PRR22: variants seen among roughly 807,000 people sequenced by gnomAD.
PRR22 encodes the protein proline rich 22.
A neutral mutation model predicts 7.2 loss-of-function variants in PRR22; 5 were observed. That is an observed-to-expected ratio of 0.69 (90% confidence interval 0.36 to 1.45). PRR22 has a LOEUF of 1.45. PRR22 is among the 40% of genes most tolerant of loss of function. The probability of loss-of-function intolerance (pLI) is 0.03; values close to 1 mark genes in which losing one functional copy is unlikely to be tolerated. For missense variants in PRR22, 619 were observed against 568.8 expected (o/e 1.09, Z -0.90); for synonymous variants, 319 against 269.3 (o/e 1.18, Z -1.81).
Position 5,784,378 on chromosome 19 carries a change from T to C in PRR22, c.192A>G (p.Ala64=). 6.2e-7 allele frequency: 1 copy of C among 1,608,264 alleles called. No individual in the cohort carries two copies. Among genetic ancestry groups the C allele is most frequent in the Non-Finnish European group, 8.5e-7 (1 of 1,177,524 alleles). ...CAAGGGCTCAGGGGAGGCCGGTACCTGCTGGTGGGGCTGGAAACACCTCTT... is the reference window on the plus strand; with the variant it reads ...CAAGGGCTCAGGGGAGGCCGGTACCCGCTGGTGGGGCTGGAAACACCTCTT... ...PEKEVFPAPP[A]GFQMAPCGCF... The change falls in exon 2 of 3, where the codon GCA becomes GCG. Residue 64 remains alanine (A), a splice_region_variant and synonymous_variant. Coordinates refer to ENST00000419421, the MANE Select transcript of PRR22 (RefSeq NM_001134316.2).
Position 5,783,970 on chromosome 19 carries a change from C to T in PRR22, c.277G>A (p.Ala93Thr). The change falls in exon 3 of 3, where the codon GCC becomes ACC. Residue 93 changes from alanine to threonine, a missense_variant. Transcript: ENST00000419421. ...CTGCTTGCTGCCAGCTTATACAGGGCTGACTGGCCCAGGTCGGGGGTGGTC... is the reference window on the plus strand; with the variant it reads ...CTGCTTGCTGCCAGCTTATACAGGGTTGACTGGCCCAGGTCGGGGGTGGTC... Reference protein sequence around the residue: ...EWTTPDLGQSALYKLAASSGG... With the variant: ...EWTTPDLGQSTLYKLAASSGG... 1 of 1,606,474 alleles carries T rather than the reference C, an allele frequency of 6.2e-7. No homozygotes were observed. Among genetic ancestry groups the T allele is most frequent in the Admixed American group, 1.7e-5 (1 of 58,500 alleles).
chr19:5,783,439 T>C lies in PRR22; in HGVS notation c.808A>G (p.Lys270Glu). The change falls in exon 3 of 3, where the codon AAG becomes GAG. Residue 270 changes from lysine to glutamate, a missense_variant. Transcript: ENST00000419421. Reference protein sequence around the residue: ...EGALLGAGKAKAPKTARALAL... With the variant: ...EGALLGAGKAEAPKTARALAL... The stretch of plus-strand genomic sequence containing the variant: ...AAAGCTCTGGCCGTCTTGGGGGCCT[T>C]GGCCTTGCCTGCTCCCAGCAGGGCC... The C allele has an allele frequency of 1.9e-6, 3 of 1,611,414 alleles. No individual in the cohort carries two copies. The highest frequency in any genetic ancestry group is 2.5e-6 in the Non-Finnish European group (3 of 1,179,336).
Position 5,783,901 on chromosome 19 carries a change from G to A in PRR22, c.346C>T (p.Leu116=), listed in dbSNP as rs770856468. 3.2e-6 allele frequency: 5 copies of A among 1,574,046 alleles called. No homozygotes were observed. Among genetic ancestry groups the A allele is most frequent in the Non-Finnish European group, 4.3e-6 (5 of 1,161,136 alleles). Residue 116 remains leucine, a synonymous_variant, in exon 3 of 3, where the codon CTG becomes TTG. Coordinates refer to ENST00000419421, the MANE Select transcript of PRR22 (RefSeq NM_001134316.2). Reference sequence around the variant, plus strand: ...GCCTTGAGGTAGGGCTGAGGCTCCAGGAGGTAGCTGCCTGGGGCGGAGGGG... The same window carrying A: ...GCCTTGAGGTAGGGCTGAGGCTCCAAGAGGTAGCTGCCTGGGGCGGAGGGG... ...GVPSAPGSYL[L]EPQPYLKAPG... is the part of the protein sequence containing the mutation.
chr19:5,784,241 C>G (rs1344795394), intron 2 of PRR22, 136 bp downstream of exon 2: 1 of 1,108,870 alleles, frequency 9.0e-7, no homozygotes, highest in Non-Finnish European at 1.4e-6. Flanking sequence ...TGGGGCTCAT[C>G]TGGGGGACCT....
rs1203655782 is a variant in PRR22, at chr19:5,783,103, A to T, written c.1144T>A (p.Ser382Thr). 1 of 1,610,496 alleles carries T rather than the reference A, an allele frequency of 6.2e-7. No homozygotes were observed. The change falls in exon 3 of 3, where the codon TCT becomes ACT. Residue 382 changes from serine (S) to threonine (T), a missense_variant. By Grantham distance (58) the Ser-to-Thr change is moderately conservative. Coordinates refer to ENST00000419421, the MANE Select transcript of PRR22 (RefSeq NM_001134316.2). ...PATNTPAPIL[S>T]GKRKASTAKK... ...GCCGTCGAGGCCTTTCTCTTGCCAG[A>T]CAGAATGGGGGCCGGGGTGTTGGTG... is the stretch of plus-strand genomic sequence containing the variant.
chr19:5,784,290 C>T, intron 2 of PRR22, 87 bp downstream of exon 2: 3 of 1,426,744 alleles, frequency 2.1e-6, no homozygotes, highest in Non-Finnish European at 2.9e-6. Flanking sequence ...CCTTCAGGCT[C>T]CCACTTAGGG....
Position 5,783,536 on chromosome 19 carries a change from A to G in PRR22, c.711T>C (p.Ser237=), listed in dbSNP as rs2056812251. ...ACAGGGGCACCCCAGGTCGGGCCCC[A>G]CTGCCCTGCAGCTCCTTGACGGGGA... ...LAFPVKELQG[S]GARPGVPLYP... Residue 237 remains serine (S), a synonymous_variant, in exon 3 of 3, where the codon AGT becomes AGC. Transcript: ENST00000419421. 6.2e-7 allele frequency: 1 copy of G among 1,603,156 alleles called. No homozygotes were observed. The highest frequency in any genetic ancestry group is 8.5e-7 in the Non-Finnish European group (1 of 1,176,010).
Position 5,784,545 on chromosome 19 carries a change from G to T in PRR22, c.116C>A (p.Pro39His). 1 of 1,549,550 alleles carries T rather than the reference G, an allele frequency of 6.5e-7. No homozygotes were observed. Among genetic ancestry groups the T allele is most frequent in the Non-Finnish European group, 8.7e-7 (1 of 1,146,906 alleles). Residue 39 changes from proline (P) to histidine (H), a missense_variant, in exon 1 of 3, where the codon CCT becomes CAT. Coordinates refer to ENST00000419421, the MANE Select transcript of PRR22 (RefSeq NM_001134316.2). ...GNQPAPTCAE[P>H]PPAMGSLNLY... ...CCCGATCGTACCCATAGCGGGAGGA[G>T]GCTCGGCACAGGTGGGAGCAGGCTG...
Position 5,783,016 on chromosome 19 carries a change from G to A in PRR22, c.1231C>T (p.Pro411Ser), listed in dbSNP as rs761597151. 1.9e-6 allele frequency: 3 copies of A among 1,549,634 alleles called. No homozygotes were observed. Among genetic ancestry groups the A allele is most frequent in the East Asian group, 2.3e-5 (1 of 44,380 alleles). Residue 411 changes from proline (P) to serine (S), a missense_variant, in exon 3 of 3, where the codon CCG becomes TCG. Transcript: ENST00000419421. ...QPAGPASATP[P>S]GPREDLGATP... ...GCTCCCAGGTCCTCCCTGGGCCCCG[G>A]GGGAGTGGCGCTGGCTGGGCCTGCC...
chr19:5,784,073 G>T lies in PRR22; in HGVS notation c.194-20C>A. The T allele has an allele frequency of 6.2e-7, 1 of 1,605,942 alleles. No individual in the cohort carries two copies. The highest frequency in any genetic ancestry group is 8.5e-7 in the Non-Finnish European group (1 of 1,173,926). ...GGAAACCTGTGGGCGGCAGGCGGGTGCCCTGAGAGCAGCTGCTGCCTGAGG... is the reference window on the plus strand; with the variant it reads ...GGAAACCTGTGGGCGGCAGGCGGGTTCCCTGAGAGCAGCTGCTGCCTGAGG... On this transcript the variant is annotated intron_variant, in intron 2 of 2. Coordinates refer to ENST00000419421, the MANE Select transcript of PRR22 (RefSeq NM_001134316.2).
Position 5,783,738 on chromosome 19 carries a change from T to C in PRR22, c.509A>G (p.Glu170Gly). Residue 170 changes from glutamate (E) to glycine (G), a missense_variant, in exon 3 of 3, where the codon GAG becomes GGG. Coordinates refer to ENST00000419421, the MANE Select transcript of PRR22 (RefSeq NM_001134316.2). ...TTCCTCTAGGGGCGGTAGGGGCAGC[T>C]CCACGAAGGCGGCGGGCCCTGCGTC... is the stretch of plus-strand genomic sequence containing the variant. ...VGDAGPAAFV[E>G]LPLPPLEEGP... 1 of 1,499,856 alleles carries C rather than the reference T, an allele frequency of 6.7e-7. No individual in the cohort carries two copies. The allele number at this position is 1,499,856 out of a possible 1,614,324, so 92.9% of individuals were successfully genotyped here.
Position 5,783,720 on chromosome 19 carries a change from A to C in PRR22, c.527T>G (p.Leu176Arg). The C allele has an allele frequency of 6.6e-7, 1 of 1,506,328 alleles. No individual in the cohort carries two copies. Among genetic ancestry groups the C allele is most frequent in the Non-Finnish European group, 8.9e-7 (1 of 1,126,806 alleles). 93.3% of individuals were successfully genotyped at this position (1,506,328 alleles called of 1,614,324 possible). The stretch of plus-strand genomic sequence containing the variant: ...TGGCAGCGGGGCCGGGCCTTCCTCT[A>C]GGGGCGGTAGGGGCAGCTCCACGAA... ...AAFVELPLPP[L>R]EEGPAPLPPP... Residue 176 changes from leucine (L) to arginine (R), a missense_variant, in exon 3 of 3, where the codon CTA (leucine) becomes CGA (arginine). Transcript: ENST00000419421.
In PRR22 at chr19:5,783,468, T is replaced by C. The variant is rs2056811608; in HGVS notation, c.779A>G (p.Glu260Gly). Residue 260 changes from glutamate (E) to glycine (G), a missense_variant, in exon 3 of 3, where the codon GAG becomes GGG. Coordinates refer to ENST00000419421, the MANE Select transcript of PRR22 (RefSeq NM_001134316.2). ...CTTGCCTGCTCCCAGCAGGGCCCCCTCCTTGACCTCGGCCACCTTGAGCTC... is the reference window on the plus strand; with the variant it reads ...CTTGCCTGCTCCCAGCAGGGCCCCCCCCTTGACCTCGGCCACCTTGAGCTC... ...LSELKVAEVK[E>G]GALLGAGKAK... 1.3e-5 allele frequency: 21 copies of C among 1,606,814 alleles called. No individual in the cohort carries two copies. Among genetic ancestry groups the C allele is most frequent in the Non-Finnish European group, 1.8e-5 (21 of 1,176,852 alleles).
Position 5,784,669 on chromosome 19 carries a change from G to C in PRR22, c.-9C>G. ...GGTTTGGGGTGCTGCATGGGGCAGCGGGGGGCCCGGTCCAGACAGGCCAGG... is the reference window on the plus strand; with the variant it reads ...GGTTTGGGGTGCTGCATGGGGCAGCCGGGGGCCCGGTCCAGACAGGCCAGG... On this transcript the variant is annotated 5_prime_UTR_variant, in exon 1 of 3. Transcript: ENST00000419421. 6.5e-7 allele frequency: 1 copy of C among 1,533,078 alleles called. No homozygotes were observed. The highest frequency in any genetic ancestry group is 8.7e-7 in the Non-Finnish European group (1 of 1,146,282). The allele number at this position is 1,533,078 out of a possible 1,614,324, so 95.0% of individuals were successfully genotyped here. A position where few individuals can be genotyped will look rare whatever the true frequency, so the allele number is the denominator to read the frequency against.
Position 5,783,065 on chromosome 19 carries a change from C to T in PRR22, c.1182G>A (p.Lys394=). 1 of 1,593,988 alleles carries T rather than the reference C, an allele frequency of 6.3e-7. No individual in the cohort carries two copies. The highest frequency in any genetic ancestry group is 8.6e-7 in the Non-Finnish European group (1 of 1,169,330). Residue 394 remains lysine (K), a synonymous_variant, in exon 3 of 3, where the codon AAG becomes AAA. Transcript: ENST00000419421. ...KRKASTAKKG[K]PGRKARQPAG... ...CCGGCTGCCTGGCCTTCCTTCCCGG[C>T]TTTCCCTTCTTGGCCGTCGAGGCCT...
Position 5,783,927 on chromosome 19 carries a change from A to AC in PRR22, c.319dup (p.Val107GlyfsTer44), listed in dbSNP as rs2056815986. 2 of 1,577,380 alleles carry AC rather than the reference A, an allele frequency of 1.3e-6. No individual in the cohort carries two copies. The highest frequency in any genetic ancestry group is 1.7e-6 in the Non-Finnish European group (2 of 1,163,236). Reference sequence around the variant, plus strand: ...GAGGTAGCTGCCTGGGGCGGAGGGGACCCCCGCTGGCCCCCCGCTGCTTGC... The same window carrying AC: ...GAGGTAGCTGCCTGGGGCGGAGGGGACCCCCCGCTGGCCCCCCGCTGCTTGC... On this transcript the variant is annotated frameshift_variant, in exon 3 of 3. Coordinates refer to ENST00000419421, the MANE Select transcript of PRR22 (RefSeq NM_001134316.2). LOFTEE classifies it low-confidence loss of function (END_TRUNC).
chr19:5,783,711 C>A lies in PRR22; in HGVS notation c.536G>T (p.Gly179Val). The change falls in exon 3 of 3, where the codon GGC (glycine) becomes GTC (valine). Residue 179 changes from glycine (G) to valine (V), a missense_variant. Coordinates refer to ENST00000419421, the MANE Select transcript of PRR22 (RefSeq NM_001134316.2). Reference sequence around the variant, plus strand: ...GGGTGGGGGTGGCAGCGGGGCCGGGCCTTCCTCTAGGGGCGGTAGGGGCAG... The same window carrying A: ...GGGTGGGGGTGGCAGCGGGGCCGGGACTTCCTCTAGGGGCGGTAGGGGCAG... ...VELPLPPLEE[G>V]PAPLPPPPPK... 10 of 1,518,228 alleles carry A rather than the reference C, an allele frequency of 6.6e-6. No homozygotes were observed. The highest frequency in any genetic ancestry group is 8.8e-6 in the Non-Finnish European group (10 of 1,132,094). 94.0% of individuals were successfully genotyped at this position (1,518,228 alleles called of 1,614,324 possible).
Position 5,784,585 on chromosome 19 carries a change from C to T in PRR22, c.76G>A (p.Glu26Lys). 2.6e-6 allele frequency: 4 copies of T among 1,544,780 alleles called. No individual in the cohort carries two copies. The highest frequency in any genetic ancestry group is 3.5e-6 in the Non-Finnish European group (4 of 1,146,880). The change falls in exon 1 of 3, where the codon GAG (glutamate) becomes AAG (lysine). Residue 26 changes from glutamate to lysine, a missense_variant. By Grantham distance (56) the Glu-to-Lys change is moderately conservative. Transcript: ENST00000419421. ...GGAGCAGGCTGGTTGCCCAGCACCT[C>T]AGCCCCCTCCAGACTCTGCGGGCTG... is the stretch of plus-strand genomic sequence containing the variant. ...GFSPQSLEGA[E>K]VLGNQPAPTC...
rs143516675 is a variant in PRR22 at position 5,784,643 on chromosome 19, C to T, written c.18G>A (p.Pro6=). Residue 6 remains proline, a synonymous_variant, in exon 1 of 3, where the codon CCG becomes CCA. Coordinates refer to ENST00000419421, the MANE Select transcript of PRR22 (RefSeq NM_001134316.2). ...CCTGGGGAGCTGCAGGGGCACAGAA[C>T]GGTTTGGGGTGCTGCATGGGGCAGC... MQHPK[P]FCAPAAPQEG... The T allele has an allele frequency of 4.0e-4, 612 of 1,534,822 alleles. 11 individuals carry two copies. In the East Asian group the frequency reaches 0.015, roughly 37 times the overall value.
Sources: gnomAD v4.1 joint callset for allele counts on GRCh38, gnomAD v4.1.1 for gene constraint, MANE v1.5 for transcripts, NCBI Gene and HGNC (gene_info 2026-07-23, HGNC 2026-07-21) for gene names.